AHI1: variants seen among roughly 807,000 people sequenced by gnomAD.
AHI1 encodes Abelson helper integration site 1.
AHI1 carries 123 observed loss-of-function variants against 149.3 expected under a neutral mutation model. The observed-to-expected ratio is 0.82, with a 90% confidence interval of 0.71 to 0.96. The LOEUF is 0.96. Among genes scored for constraint, AHI1 ranks in the 40% least tolerant of loss-of-function variants. AHI1 has a pLI of 0.00. For synonymous variants in AHI1, 475 were observed against 459.8 expected (o/e 1.03, Z -0.42); for missense variants, 1,439 against 1,422.7 (o/e 1.01, Z -0.18).
At chr6:135,309,288 C>G (rs1464014715) in intron 26 of AHI1, among the ~76,000 whole-genome samples, 1 of 152,106 alleles carries the variant, frequency 6.6e-6, no homozygotes, top group Admixed American at 6.5e-5. Context: ...ATACCACCCA[C>G]CTTCTTTATG....
rs947951023 is a variant in AHI1 at position 135,382,713 on chromosome 6, A to C, written c.3109+12063T>G. 8.8e-4 allele frequency among the ~76,000 whole-genome samples: 134 copies of C among 151,744 alleles called. 3 individuals are homozygous for C. Among genetic ancestry groups the C allele is most frequent in the Admixed American group, 6.6e-4 (10 of 15,234 alleles). ...CACAAACTAAAATGTTTAAAAACTA[A>C]AAATTTCTTGTCACAGATTTAATTT... is the stretch of plus-strand genomic sequence containing the variant. On this transcript the variant is annotated intron_variant, in intron 23 of 28. Transcript: ENST00000265602.
chr6:135,394,514 G>A lies in AHI1; in HGVS notation c.3109+262C>T, dbSNP rs111555573. The A allele has an allele frequency of 9.3e-3, 3,930 of 420,672 alleles. 18 individuals are homozygous for A. The highest frequency in any genetic ancestry group is 0.014 in the Non-Finnish European group (3,111 of 226,362). The allele number at this position is 420,672 out of a possible 1,614,324, so 26.1% of individuals were successfully genotyped here. On this transcript the variant is annotated intron_variant, in intron 23 of 28. Transcript: ENST00000265602. ...CTGAATCAGATTTAACATCATGCAG[G>A]TTTAAAACTCACGTGTTTTGCTAGT... is the stretch of plus-strand genomic sequence containing the variant.
intron 5 of AHI1, among the ~76,000 whole-genome samples, chr6:135,489,417 A>G (rs1338317462): frequency 2.0e-5 from 3 of 152,192 alleles, no homozygotes; most frequent in African/African-American, 7.2e-5. Context: ...GTTCTTTAAT[A>G]CTAAGAGACA....
At chr6:135,330,246 G>A (rs1027864015) in intron 24 of AHI1, among the ~76,000 whole-genome samples, 20 of 152,152 alleles carry the variant, frequency 1.3e-4, no homozygotes, top group African/African-American at 4.8e-4. Flanking sequence ...TTTTGTGAAA[G>A]GAAGAGTCAA....
intron 20 of AHI1, among the ~76,000 whole-genome samples, chr6:135,418,210 C>G (rs1402837278): frequency 6.6e-6 from 1 of 152,086 alleles, no homozygotes; most frequent in African/African-American, 2.4e-5. Context: ...AATACAGACA[C>G]TGGCCCCACT....
At chr6:135,454,225 C>T (rs950113302) in intron 10 of AHI1, among the ~76,000 whole-genome samples, 2 of 152,030 alleles carry the variant, frequency 1.3e-5, no homozygotes, top group African/African-American at 4.8e-5. Context: ...ATCTAGTTTG[C>T]AGGCCAAATC....
intron 24 of AHI1, among the ~76,000 whole-genome samples, chr6:135,330,602 A>G (rs1264711084): frequency 6.6e-6 from 1 of 152,208 alleles, no homozygotes; most frequent in Non-Finnish European, 1.5e-5. Context: ...GTGGTCTGGA[A>G]CCAAACCGGC....
chr6:135,458,472 T>C (rs1789325987), intron 8 of AHI1, among the ~76,000 whole-genome samples: 1 of 152,108 alleles, frequency 6.6e-6, no homozygotes. Context: ...CTCCCAGGCT[T>C]GTGGTGCTAG....
At position 135,356,947 on chromosome 6, in the gene AHI1, T is replaced by C. The variant is rs139850597; in HGVS notation, c.3165+1185A>G. Among the ~76,000 whole-genome samples, 113 of 152,346 alleles carry C rather than the reference T, an allele frequency of 7.4e-4. 4 individuals carry two copies. The East Asian group carries it at 0.021, about 28-fold the overall frequency. On this transcript the variant is annotated intron_variant, in intron 24 of 28. Coordinates refer to ENST00000265602, the MANE Select transcript of AHI1 (RefSeq NM_001134831.2). The stretch of plus-strand genomic sequence containing the variant: ...CAAATACTTTAATATTACCTTTATT[T>C]ATTTATTTTTGAGATGGAGTCTTGC...
At position 135,455,750 on chromosome 6, in the gene AHI1, A is replaced by T. The variant is rs121434350; in HGVS notation, c.1328T>A (p.Val443Asp). The T allele has an allele frequency of 1.9e-6, 3 of 1,595,148 alleles. No homozygotes were observed. The highest frequency in any genetic ancestry group is 1.7e-4 in the Middle Eastern group (1 of 6,002). Residue 443 changes from valine (V) to aspartate (D), a missense_variant, in exon 10 of 29, where the codon GTC becomes GAC. Val to Asp is a radical substitution (Grantham distance 152). Transcript: ENST00000265602. ...AATTCATACCTCAAAGAACAGGATG[A>T]CTTTAGGACTCTCATCAGAGCCTCG... ...LLRGSDESPK[V>D]ILFFEILDFL...
intron 27 of AHI1, chr6:135,297,447 T>C (rs1217311090): frequency 2.2e-6 from 1 of 456,164 alleles, no homozygotes; most frequent in Non-Finnish European, 4.4e-6. Flanking sequence ...TCTAGAGGCC[T>C]TCTCTAGCTA....
At chr6:135,301,746 C>T in intron 26 of AHI1, 2 of 985,434 alleles carry the variant, frequency 2.0e-6, no homozygotes, top group South Asian at 4.7e-5. Context: ...CCCATGACAT[C>T]TTAATTTTTC....
At chr6:135,444,147 G>A (rs1294617658) in intron 13 of AHI1, among the ~76,000 whole-genome samples, 1 of 152,094 alleles carries the variant, frequency 6.6e-6, no homozygotes, top group Non-Finnish European at 1.5e-5. Flanking sequence ...AAATCATGCT[G>A]GTTCCTACTT....
intron 20 of AHI1, among the ~76,000 whole-genome samples, chr6:135,418,536 T>A (rs181517307): frequency 2.5e-3 from 380 of 152,270 alleles, no homozygotes; most frequent in Non-Finnish European, 4.1e-3. Context: ...GAGATTTTTA[T>A]CTTTACAGGA....
At chr6:135,386,838 C>G (rs541340110) in intron 23 of AHI1, among the ~76,000 whole-genome samples, 1 of 151,962 alleles carries the variant, frequency 6.6e-6, no homozygotes, top group Non-Finnish European at 1.5e-5. Context: ...ATCATGTTGG[C>G]CAGGCTGGTC....
At chr6:135,344,849 C>A (rs1720555684) in intron 24 of AHI1, among the ~76,000 whole-genome samples, 1 of 151,684 alleles carries the variant, frequency 6.6e-6, no homozygotes, top group South Asian at 2.1e-4. Context: ...GGCTACTCCA[C>A]AGGCAGAGCA....
chr6:135,329,516 C>T (rs1411545911), intron 24 of AHI1, among the ~76,000 whole-genome samples: 1 of 152,118 alleles, frequency 6.6e-6, no homozygotes, highest in Non-Finnish European at 1.5e-5. Context: ...GCTTTGTGAC[C>T]TTCTGCTCAG....
chr6:135,289,419 C>T (rs549328899), intron 28 of AHI1, among the ~76,000 whole-genome samples: 3 of 151,852 alleles, frequency 2.0e-5, no homozygotes, highest in South Asian at 2.1e-4. Flanking sequence ...CACTTGAACC[C>T]GGGAGGTGGA....
intron 24 of AHI1, among the ~76,000 whole-genome samples, chr6:135,351,144 CAAA>C (rs112077817): frequency 8.6e-6 from 1 of 116,282 alleles, no homozygotes. Flanking sequence ...ACAAAAAAAA[CAAA>C]AAAAAAAAAA....
Sources: gnomAD v4.1 joint callset for allele counts (sites outside exome capture counted in the v4.1 genomes callset) on GRCh38, gnomAD v4.1.1 for gene constraint, MANE v1.5 for transcripts, NCBI Gene and HGNC (gene_info 2026-07-23, HGNC 2026-07-21) for gene names.